The following HMGCLL1 variants were observed in gnomAD, a reference collection of about 807,000 sequenced individuals.
The protein encoded by HMGCLL1 is 3-hydroxy-3-methylglutaryl-CoA lyase like 1.
A neutral mutation model predicts 39.1 loss-of-function variants in HMGCLL1; 36 were observed. The ratio of observed to expected loss-of-function variants is 0.92; its 90% CI spans 0.71 to 1.22. The LOEUF is 1.22. HMGCLL1 is among the 50% of genes most tolerant of loss of function. HMGCLL1 has a pLI of 0.00. For missense variants in HMGCLL1, 451 were observed against 416.5 expected (o/e 1.08, Z -0.72); for synonymous variants, 149 against 144.0 (o/e 1.03, Z -0.25).
At chr6:55,465,398 T>C (rs932271491) in intron 7 of HMGCLL1, among the ~76,000 whole-genome samples, 1 of 152,098 alleles carries the variant, frequency 6.6e-6, no homozygotes, top group Non-Finnish European at 1.5e-5. Context: ...ATACATATTA[T>C]AGATAATAAG....
upstream of HMGCLL1, among the ~76,000 whole-genome samples, chr6:55,581,185 C>T (rs905722926): frequency 3.4e-4 from 48 of 141,338 alleles, no homozygotes; most frequent in African/African-American, 1.1e-3. Context: ...AGAACAAGAA[C>T]ATTTAGGGAA....
intron 3 of HMGCLL1, among the ~76,000 whole-genome samples, chr6:55,540,790 A>G (rs540361558): frequency 1.6e-3 from 242 of 152,238 alleles, no homozygotes; most frequent in African/African-American, 5.2e-3. Flanking sequence ...TGGTACATCC[A>G]CCTGAAGTTT....
the HMGCLL1 span, among the ~76,000 whole-genome samples, chr6:55,633,873 C>A: frequency 6.6e-6 from 1 of 151,952 alleles, no homozygotes; most frequent in South Asian, 2.1e-4. Flanking sequence ...GGCAAAAGTG[C>A]CGAAAAATTG....
intron 7 of HMGCLL1, among the ~76,000 whole-genome samples, chr6:55,471,615 ATG>A (rs765257161): frequency 3.3e-5 from 5 of 151,696 alleles, no homozygotes; most frequent in Non-Finnish European, 7.4e-5. Flanking sequence ...AACATATTTT[ATG>A]TGACATTTGT....
chr6:55,640,831 CTGT>C, the HMGCLL1 span, among the ~76,000 whole-genome samples: 1 of 151,598 alleles, frequency 6.6e-6, no homozygotes, highest in Non-Finnish European at 1.5e-5. Flanking sequence ...GTTTATCTTT[CTGT>C]TGTTTGAATG....
At chr6:55,626,124 G>A in the HMGCLL1 span, among the ~76,000 whole-genome samples, 1 of 152,112 alleles carries the variant, frequency 6.6e-6, no homozygotes, top group Non-Finnish European at 1.5e-5. Context: ...ACCATTCCTT[G>A]GGGTGATCAG....
At chr6:55,664,098 T>TA in the HMGCLL1 span, among the ~76,000 whole-genome samples, 1 of 151,842 alleles carries the variant, frequency 6.6e-6, no homozygotes, top group African/African-American at 2.4e-5. Flanking sequence ...GAAGACAGCA[T>TA]ACCGTTGGGT....
the HMGCLL1 span, among the ~76,000 whole-genome samples, chr6:55,603,107 C>T: frequency 4.6e-5 from 7 of 152,024 alleles, no homozygotes; most frequent in Non-Finnish European, 7.4e-5. Flanking sequence ...AGTATTAAGT[C>T]TACCGCCTCT....
chr6:55,555,548 C>T (rs756274831), intron 1 of HMGCLL1, among the ~76,000 whole-genome samples: 3 of 152,156 alleles, frequency 2.0e-5, no homozygotes, highest in African/African-American at 7.2e-5. Context: ...TCTTTAGAAC[C>T]GATCCTGTTG....
intron 3 of HMGCLL1, among the ~76,000 whole-genome samples, chr6:55,538,535 A>G (rs527666188): frequency 5.4e-4 from 83 of 152,302 alleles, no homozygotes; most frequent in Admixed American, 1.3e-3. Flanking sequence ...TCAAGGAAAT[A>G]TACCTAGCCT....
At chr6:55,673,897 A>G in the HMGCLL1 span, among the ~76,000 whole-genome samples, 4 of 152,094 alleles carry the variant, frequency 2.6e-5, no homozygotes, top group Middle Eastern at 3.4e-3. Context: ...TGAGAGACTT[A>G]GGCTTAAGAA....
the HMGCLL1 span, among the ~76,000 whole-genome samples, chr6:55,660,784 G>A: frequency 6.6e-6 from 1 of 151,810 alleles, no homozygotes; most frequent in African/African-American, 2.4e-5. Context: ...TTAGCTCTTT[G>A]AGGAATTGCC....
intron 7 of HMGCLL1, among the ~76,000 whole-genome samples, chr6:55,495,187 T>C (rs756409891): frequency 8.5e-5 from 13 of 152,194 alleles, no homozygotes; most frequent in Admixed American, 1.3e-4. Flanking sequence ...TTCAAAAGAA[T>C]AGATTACAGA....
chr6:55,484,343 G>T (rs1486109769), intron 7 of HMGCLL1, among the ~76,000 whole-genome samples: 4 of 151,108 alleles, frequency 2.6e-5, no homozygotes, highest in African/African-American at 9.7e-5. Flanking sequence ...ACTCTGCTCT[G>T]ATCTCTTAAG....
At chr6:55,633,211 T>C in the HMGCLL1 span, among the ~76,000 whole-genome samples, 2 of 152,004 alleles carry the variant, frequency 1.3e-5, no homozygotes, top group Non-Finnish European at 2.9e-5. Flanking sequence ...GGAACTTACA[T>C]GAACTTTTGT....
chr6:55,523,434 T>C (rs57817161), intron 3 of HMGCLL1, among the ~76,000 whole-genome samples: 12,984 of 152,024 alleles, frequency 0.085, 686 homozygotes, highest in East Asian at 0.16. Flanking sequence ...AGGGGAGTTA[T>C]ACAAAGTATT....
chr6:55,641,511 T>C, the HMGCLL1 span, among the ~76,000 whole-genome samples: 84 of 152,020 alleles, frequency 5.5e-4, no homozygotes, highest in African/African-American at 1.8e-3. Flanking sequence ...CATGCACAAA[T>C]AGATATGCTT....
In HMGCLL1 at chr6:55,563,354, C is replaced by T. The variant is rs114034193; in HGVS notation, c.108+15594G>A. Among the ~76,000 whole-genome samples the T allele has an allele frequency of 1.1e-4, 16 of 152,174 alleles. 1 individual carries two copies. Among genetic ancestry groups the T allele is most frequent in the African/African-American group, 3.6e-4 (15 of 41,534 alleles). Reference sequence around the variant, plus strand: ...ATAGACCAAATATAATTATGTTCTGCTGCAATGGCAGTCCAGATAGAAAAA... The same window carrying T: ...ATAGACCAAATATAATTATGTTCTGTTGCAATGGCAGTCCAGATAGAAAAA... On this transcript the variant is annotated intron_variant, in intron 1 of 8. Transcript: ENST00000274901.
chr6:55,597,536 A>G, the HMGCLL1 span, among the ~76,000 whole-genome samples: 7 of 151,964 alleles, frequency 4.6e-5, no homozygotes, highest in Admixed American at 4.6e-4. Context: ...AGAAGGAAAA[A>G]AAAGAGGTTG....
Sources: allele counts gnomAD v4.1 joint callset (sites outside exome capture counted in the v4.1 genomes callset), GRCh38; gene constraint gnomAD v4.1.1; transcripts MANE v1.5; gene names NCBI Gene and HGNC (gene_info 2026-07-23, HGNC 2026-07-21).